The following YAF2 variants were observed in gnomAD, a reference collection of about 807,000 sequenced individuals.
The protein encoded by YAF2 is YY1-associated factor 2.
In YAF2, 7 loss-of-function variants were observed where a neutral mutation model predicts 20.1. That is an observed-to-expected ratio of 0.35 (90% confidence interval 0.20 to 0.65). YAF2 has a LOEUF of 0.65. Among genes scored for constraint, YAF2 ranks in the 30% least tolerant of loss-of-function variants. The probability of loss-of-function intolerance (pLI) is 0.69; values close to 1 mark genes in which losing one functional copy is unlikely to be tolerated. For missense variants in YAF2, 151 were observed against 219.2 expected, an observed-to-expected ratio of 0.69 and a Z score of 1.96; for synonymous variants, 74 against 76.0, an observed-to-expected ratio of 0.97 and a Z score of 0.14.
intron 2 of YAF2, among the ~76,000 whole-genome samples, chr12:42,172,553 C>G (rs2066076236): frequency 6.6e-6 from 1 of 152,108 alleles, no homozygotes; most frequent in Non-Finnish European, 1.5e-5. Context: ...TAATTGGTAA[C>G]ATATTTAAAA....
intron 2 of YAF2, chr12:42,205,842 C>T (rs1186065150): frequency 2.5e-6 from 1 of 394,272 alleles, no homozygotes; most frequent in South Asian, 1.9e-5. Flanking sequence ...TCCCCAAGTA[C>T]CATTTTTGTG....
chr12:42,234,672 G>GA (rs1316615896), intron 2 of YAF2: 2 of 984,518 alleles, frequency 2.0e-6, no homozygotes, highest in Non-Finnish European at 2.4e-6. Flanking sequence ...ATTATTTAAA[G>GA]AAAAAAAATT....
In YAF2 at chr12:42,210,232, CA is replaced by C; in HGVS notation, c.152+27366del. 3 of 487,926 alleles carry C rather than the reference CA, an allele frequency of 6.1e-6. 1 individual carries two copies. The highest frequency in any genetic ancestry group is 1.1e-5 in the Non-Finnish European group (3 of 274,096). 30.2% of individuals were successfully genotyped at this position (487,926 alleles called of 1,614,324 possible). The stretch of plus-strand genomic sequence containing the variant: ...ACACAATAATTTCCATAATCCATAT[CA>C]AATGTACAAAAAGAAGCTATCCCAA... On this transcript the variant is annotated intron_variant, in intron 2 of 3. Coordinates refer to ENST00000534854, the MANE Select transcript of YAF2 (RefSeq NM_005748.6).
rs529907330 is a variant in YAF2, at chr12:42,159,481, AT to A, written c.*1107del. Reference sequence around the variant, plus strand: ...TATTTTATTGGTAATTTTACATAGTATAAGTGGGGCTATACTTTTTTCCTTT... The same window carrying A: ...TATTTTATTGGTAATTTTACATAGTAAAGTGGGGCTATACTTTTTTCCTTT... On this transcript the variant is annotated 3_prime_UTR_variant, in exon 4 of 4. Transcript: ENST00000534854. 2.0e-5 allele frequency: 3 copies of A among 152,240 alleles called. No homozygotes were observed. In the South Asian group the frequency reaches 6.2e-4, roughly 32 times the overall value. The allele number at this position is 152,240 out of a possible 1,614,324, so 9.4% of individuals were successfully genotyped here. A position where few individuals can be genotyped will look rare whatever the true frequency, so the allele number is the denominator to read the frequency against.
At chr12:42,194,090 T>C (rs1284972595) in intron 2 of YAF2, among the ~76,000 whole-genome samples, 1 of 152,182 alleles carries the variant, frequency 6.6e-6, no homozygotes, top group Non-Finnish European at 1.5e-5. Flanking sequence ...TAAGTGTCAC[T>C]ACAAAAGAGT....
At chr12:42,206,334 C>T (rs760738946) in intron 2 of YAF2, among the ~76,000 whole-genome samples, 3 of 149,158 alleles carry the variant, frequency 2.0e-5, no homozygotes, top group Non-Finnish European at 4.4e-5. Flanking sequence ...TCTGGCTGGG[C>T]GCAGTGGCTC....
At position 42,188,689 on chromosome 12, in the gene YAF2, ATTTT is replaced by A. The variant is rs201862365; in HGVS notation, c.153-26928_153-26925del. On this transcript the variant is annotated intron_variant, in intron 2 of 3. Coordinates refer to ENST00000534854, the MANE Select transcript of YAF2 (RefSeq NM_005748.6). ...GCGTGAGCCACAGTGCCCAGTCAGA[ATTTT>A]TTTTTTTAATTTAAAAAATGTTCTA... Among the ~76,000 whole-genome samples, 4 of 148,852 alleles carry A rather than the reference ATTTT, an allele frequency of 2.7e-5. No individual in the cohort carries two copies. In the South Asian group the frequency reaches 6.4e-4, roughly 24 times the overall value.
At chr12:42,235,444 C>T in intron 2 of YAF2, 1 of 1,155,624 alleles carries the variant, frequency 8.7e-7, no homozygotes, top group Non-Finnish European at 1.1e-6. Flanking sequence ...CTGTTCCACA[C>T]TGTTCTATAC....
intron 2 of YAF2, among the ~76,000 whole-genome samples, chr12:42,225,431 T>C (rs913306128): frequency 2.0e-5 from 3 of 152,242 alleles, no homozygotes; most frequent in African/African-American, 7.2e-5. Flanking sequence ...CATGAAGTCT[T>C]TGCCCATGCC....
At chr12:42,237,318 T>G in intron 2 of YAF2, 2 of 898,042 alleles carry the variant, frequency 2.2e-6, no homozygotes, top group South Asian at 3.4e-5. Context: ...AGAGGGGCAT[T>G]ACACCCAGCG....
rs913940817 is a variant in YAF2, at chr12:42,157,155, T to C, written c.*3434A>G. 5.3e-5 allele frequency: 8 copies of C among 151,760 alleles called. No homozygotes were observed. Among genetic ancestry groups the C allele is most frequent in the East Asian group, 1.9e-4 (1 of 5,184 alleles). 9.4% of individuals were successfully genotyped at this position (151,760 alleles called of 1,614,324 possible). A position where few individuals can be genotyped will look rare whatever the true frequency, so the allele number is the denominator to read the frequency against. On this transcript the variant is annotated 3_prime_UTR_variant, in exon 4 of 4. Coordinates refer to ENST00000534854, the MANE Select transcript of YAF2 (RefSeq NM_005748.6). ...GCTTATGAGTCCAAAGGCTGAGGAG[T>C]CCAAGATCAGGGAGCCCATCTGATG...
In YAF2 at chr12:42,197,540, A is replaced by C. The variant is rs115333341; in HGVS notation, c.153-35775T>G. 3.4e-3 allele frequency among the ~76,000 whole-genome samples: 511 copies of C among 152,352 alleles called. 3 individuals carry two copies. Among genetic ancestry groups the C allele is most frequent in the African/African-American group, 0.012 (491 of 41,588 alleles). ...CACTAACTACGTAGGGAAATGCCCA[A>C]TAATAATATGTATGCCCAGATAACA... On this transcript the variant is annotated intron_variant, in intron 2 of 3. Coordinates refer to ENST00000534854, the MANE Select transcript of YAF2 (RefSeq NM_005748.6).
chr12:42,175,506 T>C (rs2066158270), intron 2 of YAF2, among the ~76,000 whole-genome samples: 1 of 145,636 alleles, frequency 6.9e-6, no homozygotes, highest in Non-Finnish European at 1.5e-5. Flanking sequence ...ATGTTTTATG[T>C]GTGGTTTATT....
At chr12:42,234,697 G>C (rs1157086218) in intron 2 of YAF2, 2 of 984,518 alleles carry the variant, frequency 2.0e-6, no homozygotes, top group African/African-American at 3.5e-5. Flanking sequence ...TGCCAATAAA[G>C]ACTTTAAAGG....
chr12:42,208,806 A>G (rs1483991092), intron 2 of YAF2, among the ~76,000 whole-genome samples: 1 of 152,228 alleles, frequency 6.6e-6, no homozygotes, highest in African/African-American at 2.4e-5. Flanking sequence ...AAGTGTAAAT[A>G]TAACTATGCA....
At chr12:42,234,461 G>C (rs1025330322) in intron 2 of YAF2, 7 of 977,914 alleles carry the variant, frequency 7.2e-6, no homozygotes, top group Non-Finnish European at 8.5e-6. Context: ...CCACCACTCT[G>C]CAATATACCC....
At chr12:42,195,566 G>A (rs975337853) in intron 2 of YAF2, among the ~76,000 whole-genome samples, 3 of 152,164 alleles carry the variant, frequency 2.0e-5, no homozygotes, top group African/African-American at 7.2e-5. Flanking sequence ...CCGTAAAATA[G>A]AAACCACATA....
intron 2 of YAF2, among the ~76,000 whole-genome samples, chr12:42,237,006 A>G (rs2068183317): frequency 6.6e-6 from 1 of 152,236 alleles, no homozygotes; most frequent in Non-Finnish European, 1.5e-5. Context: ...ATCAAACTAA[A>G]GATATAAAGG....
chr12:42,212,159 C>G, intron 2 of YAF2, among the ~76,000 whole-genome samples: 1 of 151,728 alleles, frequency 6.6e-6, no homozygotes, highest in Non-Finnish European at 1.5e-5. Flanking sequence ...AAAAGAAATA[C>G]AGCAAATTTT....
Sources: allele counts gnomAD v4.1 joint callset (sites outside exome capture counted in the v4.1 genomes callset), GRCh38; gene constraint gnomAD v4.1.1; transcripts MANE v1.5; gene names NCBI Gene and HGNC (gene_info 2026-07-23, HGNC 2026-07-21).